NPAS3: variants seen among roughly 807,000 people sequenced by gnomAD.
NPAS3 encodes the protein neuronal PAS domain protein 3, also known as neuronal PAS domain-containing protein 3.
Under a neutral mutation model 73.1 loss-of-function variants are expected in NPAS3, and 14 were observed. The ratio of observed to expected loss-of-function variants is 0.19; its 90% CI spans 0.13 to 0.30. The LOEUF (loss-of-function observed/expected upper bound fraction) is 0.30. Ranked by LOEUF, NPAS3 falls within the 10% of genes least tolerant of loss-of-function variation. NPAS3 has a pLI of 1.00. For synonymous variants in NPAS3, 620 were observed against 541.5 expected (o/e 1.14, Z -2.01); for missense variants, 1,096 against 1,250.0 (o/e 0.88, Z 1.86).
At chr14:33,454,417 T>C (rs533638047) in intron 4 of NPAS3, among the ~76,000 whole-genome samples, 124 of 152,182 alleles carry the variant, frequency 8.1e-4, no homozygotes, top group Non-Finnish European at 1.6e-3. Context: ...ATGAGGATAA[T>C]AAACAGACTC....
chr14:33,001,448 G>A (rs2038803382), intron 1 of NPAS3, among the ~76,000 whole-genome samples: 1 of 152,082 alleles, frequency 6.6e-6, no homozygotes, highest in Admixed American at 6.6e-5. Flanking sequence ...TGAATCTAGA[G>A]CACGTCCTTC....
chr14:33,033,480 A>AAT lies in NPAS3; in HGVS notation c.51-22412_51-22411dup, dbSNP rs201896193. ...GGCAACAGAGTGAGACCCTAACTCA[A>AAT]ATATATATATATATTTATATGCCTG... On this transcript the variant is annotated intron_variant, in intron 1 of 11. Coordinates refer to ENST00000356141, the Ensembl canonical transcript of NPAS3. Among the ~76,000 whole-genome samples, 541 of 151,546 alleles carry AAT rather than the reference A, an allele frequency of 3.6e-3. 1 individual carries two copies. The highest frequency in any genetic ancestry group is 5.2e-3 in the Non-Finnish European group (353 of 67,810).
At chr14:33,360,378 C>G (rs1025680816) in intron 3 of NPAS3, among the ~76,000 whole-genome samples, 10 of 152,136 alleles carry the variant, frequency 6.6e-5, no homozygotes, top group African/African-American at 2.4e-4. Context: ...TGGGTTCACC[C>G]CAGCACACTC....
chr14:33,192,382 G>A (rs949972531), intron 2 of NPAS3, among the ~76,000 whole-genome samples: 11 of 152,090 alleles, frequency 7.2e-5, no homozygotes, highest in African/African-American at 2.4e-4. Flanking sequence ...AAAAACAGCT[G>A]GTGTAATAAC....
intron 3 of NPAS3, among the ~76,000 whole-genome samples, chr14:33,218,086 C>T (rs754624499): frequency 1.1e-4 from 16 of 152,070 alleles, no homozygotes; most frequent in Non-Finnish European, 1.8e-4. Context: ...GCTGCCCCCA[C>T]GTTGTTGCAG....
chr14:33,379,052 CT>C (rs2046426896), intron 4 of NPAS3, among the ~76,000 whole-genome samples: 1 of 152,086 alleles, frequency 6.6e-6, no homozygotes, highest in South Asian at 2.1e-4. Context: ...AAAGTCAAAA[CT>C]TTTTGTGCAC....
chr14:33,588,522 T>C (rs538166221), intron 5 of NPAS3, among the ~76,000 whole-genome samples: 2 of 152,376 alleles, frequency 1.3e-5, no homozygotes, highest in East Asian at 3.9e-4. Flanking sequence ...TTCCTGCTTT[T>C]CTTTTTGCTT....
chr14:33,132,685 A>G (rs1036933154), intron 2 of NPAS3, among the ~76,000 whole-genome samples: 4 of 152,128 alleles, frequency 2.6e-5, no homozygotes, highest in Non-Finnish European at 4.4e-5. Context: ...AGTACAGTTG[A>G]TAGTAAATGT....
At position 32,992,983 on chromosome 14, in the gene NPAS3, T is replaced by G. The variant is rs574064421; in HGVS notation, c.50+53617T>G. ...CAGACTGGCCAACATGGTGAAACCC[T>G]GTCTCTACTAAAAATACAAAAAATT... On this transcript the variant is annotated intron_variant, in intron 1 of 11. Coordinates refer to ENST00000356141, the Ensembl canonical transcript of NPAS3. Among the ~76,000 whole-genome samples the G allele has an allele frequency of 2.0e-5, 3 of 152,002 alleles. No individual in the cohort carries two copies. In the South Asian group the frequency reaches 6.2e-4, roughly 32 times the overall value.
At chr14:32,948,947 T>C (rs1386788308) in intron 1 of NPAS3, among the ~76,000 whole-genome samples, 1 of 152,146 alleles carries the variant, frequency 6.6e-6, no homozygotes, top group East Asian at 1.9e-4. Context: ...AATAAAATTA[T>C]TGTGTTTCCC....
At chr14:33,459,325 G>T (rs2050155722) in intron 4 of NPAS3, among the ~76,000 whole-genome samples, 2 of 152,214 alleles carry the variant, frequency 1.3e-5, no homozygotes, top group Non-Finnish European at 2.9e-5. Flanking sequence ...AGATGGAATT[G>T]CTCTGGTTCA....
At chr14:33,049,334 T>C (rs543442191) in intron 1 of NPAS3, among the ~76,000 whole-genome samples, 1 of 152,288 alleles carries the variant, frequency 6.6e-6, no homozygotes, top group African/African-American at 2.4e-5. Flanking sequence ...CTATCCGATG[T>C]CTATATTAGT....
intron 2 of NPAS3, among the ~76,000 whole-genome samples, chr14:33,185,191 G>A (rs1248923994): frequency 6.6e-6 from 1 of 152,104 alleles, no homozygotes; most frequent in Admixed American, 6.5e-5. Context: ...AGAAACAAAA[G>A]TACATTCTAG....
intron 1 of NPAS3, among the ~76,000 whole-genome samples, chr14:33,012,988 A>G (rs958949124): frequency 6.6e-6 from 1 of 152,230 alleles, no homozygotes; most frequent in Non-Finnish European, 1.5e-5. Context: ...AGCAGTGGGA[A>G]TAGATGGGTT....
At chr14:33,383,873 G>C (rs756885132) in intron 4 of NPAS3, among the ~76,000 whole-genome samples, 17 of 152,004 alleles carry the variant, frequency 1.1e-4, no homozygotes, top group Admixed American at 4.6e-4. Context: ...CTAAAATCTC[G>C]AGCATGTTAT....
intron 4 of NPAS3, among the ~76,000 whole-genome samples, chr14:33,543,450 G>A (rs1459947860): frequency 6.6e-6 from 1 of 152,178 alleles, no homozygotes; most frequent in East Asian, 1.9e-4. Context: ...ACTTTGGCCT[G>A]AAGGAGTGTT....
At chr14:33,309,924 C>A (rs1319553683) in intron 3 of NPAS3, among the ~76,000 whole-genome samples, 2 of 152,092 alleles carry the variant, frequency 1.3e-5, no homozygotes, top group Admixed American at 6.6e-5. Context: ...AGGAGGGTCC[C>A]TCTAGCACCC....
chr14:33,330,199 C>T (rs191782585), intron 3 of NPAS3, among the ~76,000 whole-genome samples: 21 of 152,204 alleles, frequency 1.4e-4, no homozygotes, highest in Non-Finnish European at 2.4e-4. Flanking sequence ...GCCAAGATCA[C>T]GCCACTGCAC....
chr14:33,104,091 G>T (rs112965922), intron 2 of NPAS3, among the ~76,000 whole-genome samples: 35 of 152,276 alleles, frequency 2.3e-4, no homozygotes, highest in African/African-American at 8.2e-4. Context: ...AAAAAAATCT[G>T]TATGGGTATC....
Sources: gnomAD v4.1 joint callset for allele counts (sites outside exome capture counted in the v4.1 genomes callset) on GRCh38, gnomAD v4.1.1 for gene constraint, MANE v1.5 for transcripts, NCBI Gene and HGNC (gene_info 2026-07-23, HGNC 2026-07-21) for gene names.